BLK: variants seen among roughly 807,000 people sequenced by gnomAD.
The protein encoded by BLK is BLK proto-oncogene, Src family tyrosine kinase, also known as tyrosine-protein kinase Blk.
A neutral mutation model predicts 61.8 loss-of-function variants in BLK; 64 were observed. The observed-to-expected ratio is 1.03, with a 90% CI of 0.85 to 1.27. BLK has a LOEUF of 1.27. Among genes scored for constraint, BLK ranks in the 50% most tolerant of loss-of-function variants. The pLI is 0.00. For synonymous variants in BLK, 351 were observed against 272.0 expected (o/e 1.29, Z -2.86); for missense variants, 853 against 660.5 (o/e 1.29, Z -3.19).
At chr8:11,507,420 C>T (rs1232563173) in intron 1 of BLK, among the ~76,000 whole-genome samples, 2 of 152,344 alleles carry the variant, frequency 1.3e-5, no homozygotes, top group Non-Finnish European at 1.5e-5. Context: ...AGGGGACGGG[C>T]CTGTCATGGC....
chr8:11,537,583 G>T (rs1161200889), intron 1 of BLK, among the ~76,000 whole-genome samples: 2 of 152,190 alleles, frequency 1.3e-5, no homozygotes, highest in Non-Finnish European at 2.9e-5. Context: ...CCTGTTTTGT[G>T]CAGAGGGCTC....
intron 1 of BLK, among the ~76,000 whole-genome samples, chr8:11,513,262 T>C (rs1182088996): frequency 2.6e-5 from 4 of 151,792 alleles, no homozygotes; most frequent in Non-Finnish European, 4.4e-5. Flanking sequence ...TGGGAGTGGA[T>C]GGTAGGAAGG....
At chr8:11,542,910 G>A (rs893919289) in intron 1 of BLK, among the ~76,000 whole-genome samples, 4 of 152,100 alleles carry the variant, frequency 2.6e-5, no homozygotes, top group African/African-American at 7.2e-5. Flanking sequence ...AGAACACCAC[G>A]TGGCCTCCCG....
chr8:11,522,987 A>T (rs1799514141), intron 1 of BLK, among the ~76,000 whole-genome samples: 1 of 152,200 alleles, frequency 6.6e-6, no homozygotes, highest in African/African-American at 2.4e-5. Context: ...AGAGAGGAAA[A>T]AAAGAGAAGG....
intron 1 of BLK, among the ~76,000 whole-genome samples, chr8:11,540,517 A>G (rs1207364191): frequency 6.6e-6 from 1 of 152,196 alleles, no homozygotes; most frequent in Admixed American, 6.5e-5. Flanking sequence ...ACAAATTATA[A>G]TTTTAATTAA....
At chr8:11,554,715 C>G in intron 6 of BLK, 28 bp from the exon 7 acceptor site, 1 of 1,611,098 alleles carries the variant, frequency 6.2e-7, no homozygotes, top group Non-Finnish European at 8.5e-7. Flanking sequence ...TGCCTTACTT[C>G]TCGTGTGTGT....
chr8:11,563,780 G>A, intron 12 of BLK, 123 bp from the exon 13 acceptor site: 4 of 931,408 alleles, frequency 4.3e-6, no homozygotes, highest in Non-Finnish European at 6.4e-6. Flanking sequence ...TGGAGAAGTG[G>A]TCTGGGACTG....
intron 1 of BLK, among the ~76,000 whole-genome samples, chr8:11,502,649 T>C (rs1249459443): frequency 6.6e-6 from 1 of 152,212 alleles, no homozygotes; most frequent in Admixed American, 6.5e-5. Context: ...ACAAAATTCC[T>C]GAGAATTTAA....
intron 1 of BLK, among the ~76,000 whole-genome samples, chr8:11,501,567 T>C (rs1201360835): frequency 1.3e-5 from 2 of 152,210 alleles, no homozygotes; most frequent in Non-Finnish European, 2.9e-5. Flanking sequence ...TATACATACA[T>C]AAGTTTATAG....
Position 11,564,440 on chromosome 8 carries a change from C to A in BLK, c.*332C>A. 1 of 572,402 alleles carries A rather than the reference C, an allele frequency of 1.7e-6. No homozygotes were observed. The highest frequency in any genetic ancestry group is 3.3e-6 in the Non-Finnish European group (1 of 301,434). The allele number at this position is 572,402 out of a possible 1,614,324, so 35.5% of individuals were successfully genotyped here. On this transcript the variant is annotated 3_prime_UTR_variant, in exon 13 of 13. Transcript: ENST00000259089. Reference sequence around the variant, plus strand: ...GTAAGGCCCCCGTGCTGGGCACCCCCCGTGCTGGCCGCGTCCCCGCCTCTG... The same window carrying A: ...GTAAGGCCCCCGTGCTGGGCACCCCACGTGCTGGCCGCGTCCCCGCCTCTG...
chr8:11,515,512 T>C (rs1799189650), intron 1 of BLK, among the ~76,000 whole-genome samples: 1 of 152,088 alleles, frequency 6.6e-6, no homozygotes, highest in Non-Finnish European at 1.5e-5. Context: ...ATTGCTTGCG[T>C]CTCTCTGGGG....
chr8:11,558,180 T>C, intron 10 of BLK, 142 bp downstream of exon 10: 6 of 807,376 alleles, frequency 7.4e-6, no homozygotes, highest in Non-Finnish European at 1.2e-5. Flanking sequence ...TAGGCAGATA[T>C]CCCCAAGGTC....
chr8:11,547,165 G>A (rs535693451), intron 3 of BLK, among the ~76,000 whole-genome samples: 2 of 152,352 alleles, frequency 1.3e-5, no homozygotes, highest in African/African-American at 4.8e-5. Context: ...AGGTAGATGC[G>A]ACCCCTTCCC....
intron 1 of BLK, among the ~76,000 whole-genome samples, chr8:11,540,229 A>G (rs777141713): frequency 3.9e-5 from 6 of 152,072 alleles, no homozygotes; most frequent in Admixed American, 6.5e-5. Context: ...TAGGGGTTCA[A>G]TTGTATTTTC....
At chr8:11,547,051 C>T (rs1395755376) in intron 3 of BLK, among the ~76,000 whole-genome samples, 1 of 152,248 alleles carries the variant, frequency 6.6e-6, no homozygotes, top group Admixed American at 6.5e-5. Flanking sequence ...GAAGGGATGC[C>T]TCGGCCAGCC....
intron 1 of BLK, among the ~76,000 whole-genome samples, chr8:11,529,629 T>C (rs148102492): frequency 6.6e-6 from 1 of 152,308 alleles, no homozygotes; most frequent in African/African-American, 2.4e-5. Flanking sequence ...AATTTGTTAG[T>C]CCTACAAAGG....
At chr8:11,512,400 C>G (rs1243946618) in intron 1 of BLK, among the ~76,000 whole-genome samples, 1 of 152,192 alleles carries the variant, frequency 6.6e-6, no homozygotes, top group Non-Finnish European at 1.5e-5. Flanking sequence ...ACCCTGAAAT[C>G]ACTCTGACGA....
At chr8:11,510,020 T>C (rs900573019) in intron 1 of BLK, 1 of 152,256 alleles carries the variant, frequency 6.6e-6, no homozygotes, top group Admixed American at 6.5e-5. Context: ...TATTTCACTG[T>C]GTGAACTCTA....
chr8:11,517,055 G>T (rs975328935), intron 1 of BLK, among the ~76,000 whole-genome samples: 2 of 152,244 alleles, frequency 1.3e-5, no homozygotes, highest in Non-Finnish European at 2.9e-5. Flanking sequence ...GTTCTGAGTA[G>T]GGAAGCGATG....
Sources: allele counts gnomAD v4.1 joint callset (sites outside exome capture counted in the v4.1 genomes callset), GRCh38; gene constraint gnomAD v4.1.1; transcripts MANE v1.5; gene names NCBI Gene and HGNC (gene_info 2026-07-23, HGNC 2026-07-21).